The following CEP68 variants were observed in gnomAD, a reference collection of about 807,000 sequenced individuals.
The protein encoded by CEP68 is centrosomal protein 68.
Under a neutral mutation model 55.3 loss-of-function variants are expected in CEP68, and 26 were observed. That is an observed-to-expected ratio of 0.47 (90% CI 0.34 to 0.65). The LOEUF is 0.65. Ranked by LOEUF, CEP68 falls within the 30% of genes least tolerant of loss-of-function variation. The pLI, the probability that CEP68 is intolerant of heterozygous loss-of-function variation, is 0.01. For missense variants in CEP68, 957 were observed against 946.7 expected (o/e 1.01, Z -0.14); for synonymous variants, 402 against 383.2 (o/e 1.05, Z -0.57).
In CEP68 at chr2:65,072,302, A is replaced by G. The variant is rs1260245055; in HGVS notation, c.1206A>G (p.Arg402=). The change falls in exon 3 of 7, where the codon AGA becomes AGG. Residue 402 remains arginine (R), a synonymous_variant. Transcript: ENST00000377990. ...ASWSQLASTP[R]APGSRDARWE... ...GGAGCCAACTTGCATCTACCCCCAG[A>G]GCCCCAGGCAGTAGGGATGCTCGTT... 2 of 1,613,930 alleles carry G rather than the reference A, an allele frequency of 1.2e-6. No homozygotes were observed. Among genetic ancestry groups the G allele is most frequent in the Non-Finnish European group, 8.5e-7 (1 of 1,179,972 alleles).
rs1669004751 is a variant in CEP68, at chr2:65,085,643, C to G, written c.*2009C>G. On this transcript the variant is annotated 3_prime_UTR_variant, in exon 7 of 7. Coordinates refer to ENST00000377990, the MANE Select transcript of CEP68 (RefSeq NM_015147.3). The stretch of plus-strand genomic sequence containing the variant: ...CTAACACGGTGAAACCCCATCTCTA[C>G]TAAAAATACAAAAAGAAATTAGCCA... The G allele has an allele frequency of 6.6e-6, 1 of 152,260 alleles. No homozygotes were observed. The highest frequency in any genetic ancestry group is 2.1e-4 in the South Asian group (1 of 4,830). 9.4% of individuals were successfully genotyped at this position (152,260 alleles called of 1,614,324 possible).
Position 65,072,305 on chromosome 2 carries a change from C to T in CEP68, c.1209C>T (p.Ala403=), listed in dbSNP as rs777386898. ...SWSQLASTPR[A]PGSRDARWER... ...GCCAACTTGCATCTACCCCCAGAGC[C>T]CCAGGCAGTAGGGATGCTCGTTGGG... Residue 403 remains alanine, a synonymous_variant, in exon 3 of 7, where the codon GCC becomes GCT. Coordinates refer to ENST00000377990, the MANE Select transcript of CEP68 (RefSeq NM_015147.3). The T allele has an allele frequency of 2.5e-6, 4 of 1,614,052 alleles. No individual in the cohort carries two copies. Among genetic ancestry groups the T allele is most frequent in the Non-Finnish European group, 3.4e-6 (4 of 1,180,018 alleles).
intron 1 of CEP68, among the ~76,000 whole-genome samples, chr2:65,060,364 A>C (rs1487160036): frequency 6.6e-6 from 1 of 152,226 alleles, no homozygotes; most frequent in Non-Finnish European, 1.5e-5. Flanking sequence ...AGTGAGTGGC[A>C]ATCTTAATAG....
At position 65,082,641 on chromosome 2, in the gene CEP68, G is replaced by A. The variant is rs1250580804; in HGVS notation, c.2210G>A (p.Gly737Asp). 1.2e-6 allele frequency: 2 copies of A among 1,611,998 alleles called. No homozygotes were observed. Reference protein sequence around the residue: ...SILASLDMLAGCTLIPDKKPM... With the variant: ...SILASLDMLADCTLIPDKKPM... ...TTGGCCTCTCTGGACATGCTGGCTG[G>A]CTGCACCCTTATCCCTGACAAAAAG... Residue 737 changes from glycine to aspartate, a missense_variant, in exon 6 of 7, where the codon GGC becomes GAC. Physicochemically the swap from Gly to Asp is moderately conservative, Grantham distance 94 (BLOSUM62 -1). Transcript: ENST00000377990.
At chr2:65,066,767 T>TATATATAC (rs1553384198) in intron 1 of CEP68, among the ~76,000 whole-genome samples, 1 of 69,494 alleles carries the variant, frequency 1.4e-5, no homozygotes. Flanking sequence ...TATATATATA[T>TATATATAC]ACACACACAA....
chr2:65,076,586 T>C (rs1404472126), intron 4 of CEP68, among the ~76,000 whole-genome samples: 1 of 152,204 alleles, frequency 6.6e-6, no homozygotes, highest in Non-Finnish European at 1.5e-5. Flanking sequence ...CGAGCGTGTC[T>C]GTGTTCACAT....
intron 5 of CEP68, chr2:65,080,480 CTTCTT>C: frequency 2.0e-6 from 2 of 985,410 alleles, no homozygotes; most frequent in South Asian, 9.4e-5. Flanking sequence ...TCCTTCCCAA[CTTCTT>C]TTATTTGGCC....
At chr2:65,057,115 A>G (rs1675661787) in intron 1 of CEP68, among the ~76,000 whole-genome samples, 1 of 152,248 alleles carries the variant, frequency 6.6e-6, no homozygotes. Context: ...AACAGTTCTC[A>G]GCAGCCTGGG....
intron 3 of CEP68, 150 bp downstream of exon 3, chr2:65,073,130 A>G (rs1676582519): frequency 1.1e-6 from 1 of 880,372 alleles, no homozygotes; most frequent in Non-Finnish European, 1.9e-6. Flanking sequence ...CAGTCCTCAC[A>G]ACTTTTACCA....
intron 4 of CEP68, among the ~76,000 whole-genome samples, chr2:65,077,162 AT>A (rs1179724847): frequency 6.6e-6 from 1 of 151,500 alleles, no homozygotes; most frequent in Non-Finnish European, 1.5e-5. Flanking sequence ...CACCCGGCTA[AT>A]TTTTTTGTAT....
intron 4 of CEP68, among the ~76,000 whole-genome samples, chr2:65,077,074 C>T (rs1183965970): frequency 6.0e-5 from 9 of 148,816 alleles, no homozygotes; most frequent in Admixed American, 4.1e-4. Flanking sequence ...CGGCTCACTG[C>T]AACCCCTGCC....
At chr2:65,057,521 T>C (rs1675690103) in intron 1 of CEP68, among the ~76,000 whole-genome samples, 1 of 152,222 alleles carries the variant, frequency 6.6e-6, no homozygotes. Flanking sequence ...TTTAAAGCAC[T>C]TCCCCACCCT....
chr2:65,061,670 G>A (rs1292661868), intron 1 of CEP68, among the ~76,000 whole-genome samples: 1 of 152,236 alleles, frequency 6.6e-6, no homozygotes, highest in Non-Finnish European at 1.5e-5. Context: ...TTCCCAGCAG[G>A]GCAGGAGCAG....
chr2:65,080,537 G>T, intron 5 of CEP68: 6 of 985,358 alleles, frequency 6.1e-6, no homozygotes, highest in Non-Finnish European at 7.2e-6. Flanking sequence ...GTTCAAAAGC[G>T]TCCGTGCGCA....
intron 1 of CEP68, among the ~76,000 whole-genome samples, chr2:65,068,821 C>T (rs1558558881): frequency 6.6e-6 from 1 of 151,474 alleles, no homozygotes; most frequent in Non-Finnish European, 1.5e-5. Flanking sequence ...GAGTAAGACC[C>T]TGTCTCAGAA....
At chr2:65,080,584 C>A in intron 5 of CEP68, 1 of 969,862 alleles carries the variant, frequency 1.0e-6, no homozygotes, top group Non-Finnish European at 1.2e-6. Flanking sequence ...TTTGGGAGGC[C>A]AAGCGGGCAG....
intron 3 of CEP68, 117 bp downstream of exon 3, chr2:65,073,097 A>G (rs1229911207): frequency 2.8e-6 from 3 of 1,075,582 alleles, no homozygotes; most frequent in Non-Finnish European, 2.8e-6. Flanking sequence ...TGTGCCAGGC[A>G]TTGTGCTGTA....
In CEP68 at chr2:65,084,122, TA is replaced by T. The variant is rs1420354626; in HGVS notation, c.*489del. 2.0e-5 allele frequency: 3 copies of T among 152,262 alleles called. No homozygotes were observed. Among genetic ancestry groups the T allele is most frequent in the African/African-American group, 7.2e-5 (3 of 41,554 alleles). The allele number at this position is 152,262 out of a possible 1,614,324, so 9.4% of individuals were successfully genotyped here. A position where few individuals can be genotyped will look rare whatever the true frequency, so the allele number is the denominator to read the frequency against. On this transcript the variant is annotated 3_prime_UTR_variant, in exon 7 of 7. Coordinates refer to ENST00000377990, the MANE Select transcript of CEP68 (RefSeq NM_015147.3). ...GGGCTTGTCAATCCCTCTTTAAAGA[TA>T]TAGGTAGAAAGAAGAGATTTTTAAC...
chr2:65,058,497 C>CTTTTTTTTT (rs34477880), intron 1 of CEP68, among the ~76,000 whole-genome samples: 2 of 75,682 alleles, frequency 2.6e-5, no homozygotes, highest in South Asian at 5.6e-4. Flanking sequence ...GATTTTTTTC[C>CTTTTTTTTT]TTTTTTTTTT....
Sources: allele counts gnomAD v4.1 joint callset (sites outside exome capture counted in the v4.1 genomes callset), GRCh38; gene constraint gnomAD v4.1.1; transcripts MANE v1.5; gene names NCBI Gene and HGNC (gene_info 2026-07-23, HGNC 2026-07-21).